BMP6: variants seen among roughly 807,000 people sequenced by gnomAD.
BMP6 encodes bone morphogenetic protein 6.
Under a neutral mutation model 54.1 loss-of-function variants are expected in BMP6, and 17 were observed. The ratio of observed to expected loss-of-function variants is 0.31; its 90% CI spans 0.22 to 0.47. BMP6 has a LOEUF of 0.47. Among genes scored for constraint, BMP6 ranks in the 20% least tolerant of loss-of-function variants. The pLI, the probability that BMP6 is intolerant of heterozygous loss-of-function variation, is 1.00. For synonymous variants in BMP6, 328 were observed against 291.2 expected (o/e 1.13, Z -1.28); for missense variants, 720 against 690.4 (o/e 1.04, Z -0.48).
At position 7,778,998 on chromosome 6, in the gene BMP6, C is replaced by A. The variant is rs73719318; in HGVS notation, c.664+51379C>A. ...TTTCACCAAGCTCACAGTCCACTGCCTCAAACAGGTAGGCATTCAAATCCT... is the reference window on the plus strand; with the variant it reads ...TTTCACCAAGCTCACAGTCCACTGCATCAAACAGGTAGGCATTCAAATCCT... On this transcript the variant is annotated intron_variant, in intron 1 of 6. Coordinates refer to ENST00000283147, the MANE Select transcript of BMP6 (RefSeq NM_001718.6). 7.6e-3 allele frequency among the ~76,000 whole-genome samples: 1,154 copies of A among 152,352 alleles called. 25 individuals are homozygous for A. The highest frequency in any genetic ancestry group is 0.026 in the African/African-American group (1,098 of 41,576).
chr6:7,789,811 G>A (rs912517836), intron 1 of BMP6, among the ~76,000 whole-genome samples: 1 of 152,166 alleles, frequency 6.6e-6, no homozygotes, highest in African/African-American at 2.4e-5. Context: ...AGGCTCTTTA[G>A]GCCCTCTGAT....
chr6:7,846,471 C>T (rs998670533), intron 2 of BMP6, among the ~76,000 whole-genome samples: 4 of 152,102 alleles, frequency 2.6e-5, no homozygotes, highest in African/African-American at 9.7e-5. Context: ...TTGAAAGCAC[C>T]GCCAGCATCC....
chr6:7,753,585 G>C (rs1288931970), intron 1 of BMP6, among the ~76,000 whole-genome samples: 2 of 152,184 alleles, frequency 1.3e-5, no homozygotes, highest in African/African-American at 2.4e-5. Flanking sequence ...ATATTACAAA[G>C]AGCTTGAGTT....
intron 1 of BMP6, among the ~76,000 whole-genome samples, chr6:7,782,490 T>G (rs1032696985): frequency 1.3e-5 from 2 of 151,990 alleles, no homozygotes; most frequent in Non-Finnish European, 2.9e-5. Flanking sequence ...GCGGGCAGAT[T>G]ACCTGAGGTC....
Position 7,818,732 on chromosome 6 carries a change from T to G in BMP6, c.665-26408T>G, listed in dbSNP as rs532345596. ...TTGCCCCGTAGCCCTTGCTTTCAAA[T>G]GAACAGGGGATGTGTAGCCACCTAC... On this transcript the variant is annotated intron_variant, in intron 1 of 6. Transcript: ENST00000283147. Among the ~76,000 whole-genome samples the G allele has an allele frequency of 8.7e-4, 133 of 152,296 alleles. 1 individual carries two copies. The highest frequency in any genetic ancestry group is 3.0e-3 in the African/African-American group (124 of 41,556).
Position 7,862,357 on chromosome 6 carries a change from A to G in BMP6, c.1063A>G (p.Lys355Glu). 1 of 1,614,164 alleles carries G rather than the reference A, an allele frequency of 6.2e-7. No individual in the cohort carries two copies. Among genetic ancestry groups the G allele is most frequent in the East Asian group, 2.2e-5 (1 of 44,880 alleles). ...GGTGGGCAGAGACGGCCCTTACGAC[A>G]AGCAGCCCTTCATGGTGGCTTTCTT... ...GLVGRDGPYDKQPFMVAFFKV... is the reference protein window; with the variant it reads ...GLVGRDGPYDEQPFMVAFFKV... The change falls in exon 4 of 7, where the codon AAG (lysine) becomes GAG (glutamate). Residue 355 changes from lysine (K) to glutamate (E), a missense_variant. By Grantham distance (56) the Lys-to-Glu change is moderately conservative. Coordinates refer to ENST00000283147, the MANE Select transcript of BMP6 (RefSeq NM_001718.6).
At chr6:7,824,691 A>G (rs1448219226) in intron 1 of BMP6, among the ~76,000 whole-genome samples, 1 of 152,240 alleles carries the variant, frequency 6.6e-6, no homozygotes, top group Non-Finnish European at 1.5e-5. Context: ...GCTTATTAAC[A>G]TACCTTGTAG....
At chr6:7,812,285 TG>T (rs1758446796) in intron 1 of BMP6, among the ~76,000 whole-genome samples, 2 of 152,254 alleles carry the variant, frequency 1.3e-5, no homozygotes, top group Non-Finnish European at 2.9e-5. Context: ...TCCTTTGGTT[TG>T]CTTGAAGAAT....
chr6:7,808,448 A>G (rs1311385912), intron 1 of BMP6, among the ~76,000 whole-genome samples: 1 of 152,192 alleles, frequency 6.6e-6, no homozygotes, highest in Non-Finnish European at 1.5e-5. Flanking sequence ...CAATCGCCTG[A>G]CATTTCTGCA....
chr6:7,742,911 C>T (rs558477905), intron 1 of BMP6, among the ~76,000 whole-genome samples: 97 of 152,196 alleles, frequency 6.4e-4, no homozygotes, highest in African/African-American at 1.9e-3. Flanking sequence ...GAGATCTTTC[C>T]CCCCCTTCTT....
At chr6:7,745,791 G>A (rs142301874) in intron 1 of BMP6, among the ~76,000 whole-genome samples, 3 of 150,934 alleles carry the variant, frequency 2.0e-5, no homozygotes, top group African/African-American at 7.3e-5. Flanking sequence ...GAGCATGATG[G>A]TATCTATGAT....
intron 1 of BMP6, among the ~76,000 whole-genome samples, chr6:7,800,208 T>G (rs1323285480): frequency 6.6e-6 from 1 of 152,092 alleles, no homozygotes; most frequent in Admixed American, 6.6e-5. Flanking sequence ...CAATCCTTTA[T>G]CTCAGATGCC....
chr6:7,763,704 C>T (rs1234153030), intron 1 of BMP6, among the ~76,000 whole-genome samples: 2 of 152,076 alleles, frequency 1.3e-5, no homozygotes, highest in East Asian at 3.9e-4. Context: ...GGGACACTGC[C>T]CCTCCATTTT....
At position 7,759,686 on chromosome 6, in the gene BMP6, CTTTCTTCTTCTTTTT is replaced by C. The variant is rs1458403705; in HGVS notation, c.664+32071_664+32085del. 2.7e-4 allele frequency among the ~76,000 whole-genome samples: 30 copies of C among 113,112 alleles called. No homozygotes were observed. In the South Asian group the frequency reaches 8.1e-3, roughly 30 times the overall value. 74.2% of individuals were successfully genotyped at this position (113,112 alleles called of 152,430 possible). On this transcript the variant is annotated intron_variant, in intron 1 of 6. Coordinates refer to ENST00000283147, the MANE Select transcript of BMP6 (RefSeq NM_001718.6). ...AGAAGTGAATTTTAAAGACTAATTT[CTTTCTTCTTCTTTTT>C]TTTTTTTTTTTTTTTTTTTGGAGAC... is the stretch of plus-strand genomic sequence containing the variant.
rs758597121 is a variant in BMP6, at chr6:7,880,168, C to A, written c.1393-26C>A. The A allele has an allele frequency of 1.6e-5, 26 of 1,613,962 alleles. No individual in the cohort carries two copies. The East Asian group carries it at 2.2e-4, about 14-fold the overall frequency. Reference sequence around the variant, plus strand: ...AAGACCAGGTGTCATTTCTAAGGTACCTTCTCCCCTTCTGTTTTGGAACAG... The same window carrying A: ...AAGACCAGGTGTCATTTCTAAGGTAACTTCTCCCCTTCTGTTTTGGAACAG... On this transcript the variant is annotated intron_variant, in intron 6 of 6. Transcript: ENST00000283147.
intron 1 of BMP6, among the ~76,000 whole-genome samples, chr6:7,809,992 C>A (rs927402): frequency 0.77 from 116,933 of 152,158 alleles, 45,254 homozygotes; most frequent in East Asian, 0.99. Context: ...GTTACCTATT[C>A]TGCACAGCTA....
intron 1 of BMP6, among the ~76,000 whole-genome samples, chr6:7,825,314 G>T (rs1354010288): frequency 6.6e-6 from 1 of 152,196 alleles, no homozygotes; most frequent in African/African-American, 2.4e-5. Context: ...AAGAAACAAT[G>T]AATGAAAATG....
chr6:7,879,627 CA>C (rs1216534808), intron 5 of BMP6, among the ~76,000 whole-genome samples: 1 of 152,186 alleles, frequency 6.6e-6, no homozygotes, highest in Non-Finnish European at 1.5e-5. Flanking sequence ...ACTTTAATCA[CA>C]GGTGGTGAGC....
intron 1 of BMP6, among the ~76,000 whole-genome samples, chr6:7,833,346 T>C (rs920380703): frequency 3.3e-5 from 5 of 152,148 alleles, no homozygotes; most frequent in African/African-American, 1.2e-4. Context: ...ACAGTATAGT[T>C]CTAGAAAGTA....
Sources: gnomAD v4.1 joint callset for allele counts (sites outside exome capture counted in the v4.1 genomes callset) on GRCh38, gnomAD v4.1.1 for gene constraint, MANE v1.5 for transcripts, NCBI Gene and HGNC (gene_info 2026-07-23, HGNC 2026-07-21) for gene names.